Variants in ALDH18A1 observed in about 807,000 individuals in gnomAD.
ALDH18A1 encodes aldehyde dehydrogenase 18 family member A1, also known as delta-1-pyrroline-5-carboxylate synthase.
In ALDH18A1, 44 loss-of-function variants were observed where a neutral mutation model predicts 88.8. The observed-to-expected ratio is 0.50, with a 90% CI of 0.39 to 0.64. The LOEUF (loss-of-function observed/expected upper bound fraction) is 0.64. ALDH18A1 is among the 30% of genes least tolerant of loss of function. ALDH18A1 has a pLI of 0.00. For synonymous variants in ALDH18A1, 331 were observed against 372.1 expected, an observed-to-expected ratio of 0.89 and a Z score of 1.27; for missense variants, 782 against 1,009.5, an observed-to-expected ratio of 0.77 and a Z score of 3.05.
intron 2 of ALDH18A1, among the ~76,000 whole-genome samples, chr10:95,648,803 C>T (rs929123040): frequency 1.3e-5 from 2 of 152,176 alleles, no homozygotes. Context: ...CTAAGTCAAT[C>T]TGAGACCTGA....
At chr10:95,622,691 C>A (rs1211855546) in intron 11 of ALDH18A1, among the ~76,000 whole-genome samples, 2 of 152,132 alleles carry the variant, frequency 1.3e-5, no homozygotes, top group Non-Finnish European at 2.9e-5. Flanking sequence ...GCGCCCGCCA[C>A]CACACCCGGC....
intron 2 of ALDH18A1, among the ~76,000 whole-genome samples, chr10:95,643,925 C>A (rs2139644620): frequency 1.3e-5 from 2 of 152,276 alleles, no homozygotes; most frequent in South Asian, 4.1e-4. Flanking sequence ...AGAAGGATCA[C>A]CTGAGGTCAG....
intron 3 of ALDH18A1, among the ~76,000 whole-genome samples, chr10:95,640,021 TCTGTTG>T (rs1340364415): frequency 1.3e-5 from 2 of 152,180 alleles, no homozygotes; most frequent in Non-Finnish European, 1.5e-5. Flanking sequence ...GATGTTAGCA[TCTGTTG>T]ATGATCATTG....
chr10:95,648,685 A>C (rs2097905069), intron 2 of ALDH18A1, among the ~76,000 whole-genome samples: 1 of 152,198 alleles, frequency 6.6e-6, no homozygotes. Flanking sequence ...GGACCCTGCA[A>C]GCATCATGCA....
intron 12 of ALDH18A1, among the ~76,000 whole-genome samples, chr10:95,617,946 C>A (rs1484365524): frequency 2.0e-5 from 3 of 152,160 alleles, no homozygotes; most frequent in Non-Finnish European, 2.9e-5. Flanking sequence ...CAGCCAGGGA[C>A]TGAGGATAGG....
Position 95,655,128 on chromosome 10 carries a change from TTTATTATTA to T in ALDH18A1, c.-29+1460_-29+1468del, listed in dbSNP as rs147662060. On this transcript the variant is annotated intron_variant, in intron 1 of 17. Transcript: ENST00000371224. ...CTTGTGGAGAGTTACCCAATTTTTC[TTTATTATTA>T]TTATTATTATTATTATTATACTTTA... 5.4e-3 allele frequency among the ~76,000 whole-genome samples: 720 copies of T among 133,848 alleles called. 3 individuals are homozygous for T. Among genetic ancestry groups the T allele is most frequent in the Middle Eastern group, 0.022 (6 of 272 alleles). The allele number at this position is 133,848 out of a possible 152,430, so 87.8% of individuals were successfully genotyped here.
chr10:95,629,077 G>C (rs1294833660), intron 7 of ALDH18A1, among the ~76,000 whole-genome samples: 1 of 152,200 alleles, frequency 6.6e-6, no homozygotes, highest in Non-Finnish European at 1.5e-5. Flanking sequence ...ACCATAAAGT[G>C]TATGTCCCTT....
At position 95,611,296 on chromosome 10, in the gene ALDH18A1, C is replaced by T. The variant is rs139742227; in HGVS notation, c.2070G>A (p.Lys690=). 1.2e-6 allele frequency: 2 copies of T among 1,614,106 alleles called. No individual in the cohort carries two copies. The highest frequency in any genetic ancestry group is 2.7e-5 in the African/African-American group (2 of 74,934). Residue 690 remains lysine, a synonymous_variant, in exon 16 of 18, where the codon AAG becomes AAA. Coordinates refer to ENST00000371224, the MANE Select transcript of ALDH18A1 (RefSeq NM_002860.4). ...TGACATCCGTGTGGGAGCTGCCATA[C>T]TTGTGGATGTGGTCAATGGCATCCT... is the stretch of plus-strand genomic sequence containing the variant. ...NVQDAIDHIH[K]YGSSHTDVIV... is the part of the protein sequence containing the mutation.
chr10:95,620,934 T>TA lies in ALDH18A1; in HGVS notation c.1467+96dup, dbSNP rs75882174. On this transcript the variant is annotated intron_variant, in intron 12 of 17. Coordinates refer to ENST00000371224, the MANE Select transcript of ALDH18A1 (RefSeq NM_002860.4). ...TGCACATGTACCCTAGAACTTAAAT[T>TA]AAAAAAAAAAAAAAAGAAAAGAAAA... The TA allele has an allele frequency of 0.062, 66,618 of 1,077,714 alleles. 10 individuals are homozygous for TA. Among genetic ancestry groups the TA allele is most frequent in the Non-Finnish European group, 0.069 (52,685 of 763,084 alleles). The allele number at this position is 1,077,714 out of a possible 1,614,324, so 66.8% of individuals were successfully genotyped here.
intron 5 of ALDH18A1, among the ~76,000 whole-genome samples, chr10:95,635,100 C>T (rs2097878095): frequency 1.3e-5 from 2 of 152,060 alleles, no homozygotes; most frequent in African/African-American, 4.8e-5. Context: ...TCTGAAATGC[C>T]AGAGTCTAGC....
At chr10:95,650,128 G>GA (rs1021030044) in intron 2 of ALDH18A1, among the ~76,000 whole-genome samples, 1 of 151,880 alleles carries the variant, frequency 6.6e-6, no homozygotes, top group South Asian at 2.1e-4. Flanking sequence ...GAACTTTCGG[G>GA]AAAAAAACAT....
At chr10:95,638,864 T>G (rs1341526971) in intron 3 of ALDH18A1, among the ~76,000 whole-genome samples, 2 of 151,798 alleles carry the variant, frequency 1.3e-5, no homozygotes. Context: ...AACCATGATT[T>G]AAAACAATAA....
Position 95,626,740 on chromosome 10 carries a change from G to C in ALDH18A1, c.1115C>G (p.Ser372Cys). The change falls in exon 10 of 18, where the codon TCT becomes TGT. Residue 372 changes from serine to cysteine, a missense_variant. Physicochemically the swap from Ser to Cys is moderately radical, Grantham distance 112. Around this residue, in one of 3 missense-constraint regions of ALDH18A1, gnomAD observed 556 missense variants for 654.5 expected, o/e 0.85. Transcript: ENST00000371224. The stretch of plus-strand genomic sequence containing the variant: ...CAAGGTGGCCAACATCCTTCCTCCA[G>C]ATCGCGCCATTTCTCCCTGCTGCTC... ...TVEQQGEMAR[S>C]GGRMLATLEP... 6.2e-7 allele frequency: 1 copy of C among 1,613,930 alleles called. No homozygotes were observed. The highest frequency in any genetic ancestry group is 1.1e-5 in the South Asian group (1 of 91,084).
chr10:95,624,100 G>GTGCTGGGA (rs1482723749), intron 11 of ALDH18A1, among the ~76,000 whole-genome samples: 3 of 152,252 alleles, frequency 2.0e-5, no homozygotes, highest in Non-Finnish European at 2.9e-5. Context: ...GCCTCTCAAA[G>GTGCTGGGA]TGCTGGGATT....
intron 2 of ALDH18A1, among the ~76,000 whole-genome samples, chr10:95,648,860 T>A (rs138117785): frequency 3.9e-5 from 6 of 152,248 alleles, no homozygotes; most frequent in Non-Finnish European, 8.8e-5. Flanking sequence ...CAAAATACCA[T>A]CCCACAGAAT....
At chr10:95,607,422 G>A (rs1198494564) in intron 17 of ALDH18A1, among the ~76,000 whole-genome samples, 1 of 152,146 alleles carries the variant, frequency 6.6e-6, no homozygotes, top group Non-Finnish European at 1.5e-5. Flanking sequence ...TACATCAAAG[G>A]GTTACTGTTC....
intron 3 of ALDH18A1, among the ~76,000 whole-genome samples, chr10:95,642,551 G>C (rs1425110014): frequency 4.6e-5 from 7 of 152,200 alleles, no homozygotes. Flanking sequence ...ATAGGTCCAG[G>C]CTGCAGTGAG....
At chr10:95,653,657 C>T (rs182524958) in intron 1 of ALDH18A1, among the ~76,000 whole-genome samples, 48 of 152,176 alleles carry the variant, frequency 3.2e-4, no homozygotes, top group African/African-American at 1.2e-3. Flanking sequence ...TTTTGAGACA[C>T]AAAAAACACC....
At chr10:95,621,798 G>C (rs2097853094) in intron 11 of ALDH18A1, among the ~76,000 whole-genome samples, 1 of 152,092 alleles carries the variant, frequency 6.6e-6, no homozygotes, top group Admixed American at 6.6e-5. Flanking sequence ...TTTATCATTT[G>C]TATGAACAGA....
Sources: gnomAD v4.1 joint callset for allele counts (sites outside exome capture counted in the v4.1 genomes callset) on GRCh38, gnomAD v4.1.1 for gene constraint, gnomAD v4.1.1 regional missense constraint, MANE v1.5 for transcripts, NCBI Gene and HGNC (gene_info 2026-07-23, HGNC 2026-07-21) for gene names.